The following ROBO2 variants were observed in gnomAD, a reference collection of about 807,000 sequenced individuals.
The protein encoded by ROBO2 is roundabout guidance receptor 2.
A neutral mutation model predicts 160.8 loss-of-function variants in ROBO2; 53 were observed. The ratio of observed to expected loss-of-function variants is 0.33; its 90% CI spans 0.26 to 0.41. The LOEUF (loss-of-function observed/expected upper bound fraction) is 0.41, where lower values mean the gene tolerates loss of function less well. Among genes scored for constraint, ROBO2 ranks in the 10% least tolerant of loss-of-function variants. The pLI is 1.00. For synonymous variants in ROBO2, 664 were observed against 611.7 expected, an observed-to-expected ratio of 1.09 and a Z score of -1.26; for missense variants, 1,577 against 1,722.4, an observed-to-expected ratio of 0.92 and a Z score of 1.49.
chr3:76,883,954 C>T (rs556613916), intron 2 of ROBO2, among the ~76,000 whole-genome samples: 1 of 152,156 alleles, frequency 6.6e-6, no homozygotes, highest in East Asian at 1.9e-4. Flanking sequence ...TTTACAATGA[C>T]CATTTATATT....
At chr3:75,934,133 TGAAA>T (rs1388712255) in intron 1 of ROBO2, among the ~76,000 whole-genome samples, 1 of 152,194 alleles carries the variant, frequency 6.6e-6, no homozygotes, top group Non-Finnish European at 1.5e-5. Flanking sequence ...CTTAAACATT[TGAAA>T]GACCAAGATG....
intron 2 of ROBO2, among the ~76,000 whole-genome samples, chr3:77,099,552 A>G (rs908577816): frequency 4.6e-5 from 7 of 152,134 alleles, no homozygotes; most frequent in Non-Finnish European, 7.4e-5. Context: ...AAATAGTTTT[A>G]TTTTTATAAA....
intron 1 of ROBO2, among the ~76,000 whole-genome samples, chr3:77,088,435 G>T (rs533589348): frequency 6.6e-6 from 1 of 152,180 alleles, no homozygotes; most frequent in Admixed American, 6.5e-5. Context: ...TATGCAGGAT[G>T]TACAGGTTTG....
chr3:76,866,670 T>G (rs2071405612), intron 2 of ROBO2, among the ~76,000 whole-genome samples: 1 of 152,194 alleles, frequency 6.6e-6, no homozygotes, highest in Admixed American at 6.6e-5. Context: ...TCAAAAAGTT[T>G]AAAACCCCAA....
intron 2 of ROBO2, among the ~76,000 whole-genome samples, chr3:76,672,129 G>A (rs112568399): frequency 6.6e-6 from 1 of 152,014 alleles, no homozygotes; most frequent in Non-Finnish European, 1.5e-5. Context: ...AGAAATCTTA[G>A]TGAGGGCCAG....
intron 2 of ROBO2, among the ~76,000 whole-genome samples, chr3:76,505,226 G>T (rs2080732020): frequency 1.3e-5 from 2 of 152,130 alleles, no homozygotes; most frequent in Non-Finnish European, 1.5e-5. Context: ...TACGACTGAT[G>T]ATTTGATCTT....
chr3:76,648,145 CAT>C (rs1006280728), intron 2 of ROBO2, among the ~76,000 whole-genome samples: 3 of 151,730 alleles, frequency 2.0e-5, no homozygotes, highest in Admixed American at 6.6e-5. Flanking sequence ...TTCTATAACA[CAT>C]AGTAATCTAT....
chr3:77,275,312 A>G lies in ROBO2; in HGVS notation c.388+176972A>G, dbSNP rs573376112. 2.0e-5 allele frequency among the ~76,000 whole-genome samples: 3 copies of G among 152,306 alleles called. No individual in the cohort carries two copies. In the East Asian group the frequency reaches 5.8e-4, roughly 29 times the overall value. On this transcript the variant is annotated intron_variant, in intron 2 of 25. Coordinates refer to ENST00000461745, the Ensembl canonical transcript of ROBO2. ...TGAAGTCAAAACTAAACCTTCTGTC[A>G]TTCAAAACTATCATATGTCAAAACG... is the stretch of plus-strand genomic sequence containing the variant.
chr3:76,178,075 C>T (rs780698633), intron 2 of ROBO2, among the ~76,000 whole-genome samples: 2 of 152,038 alleles, frequency 1.3e-5, no homozygotes, highest in Non-Finnish European at 2.9e-5. Context: ...TATTTGATAG[C>T]TCCCCAAAAA....
intron 1 of ROBO2, among the ~76,000 whole-genome samples, chr3:77,066,531 G>GA (rs1293024867): frequency 6.6e-6 from 1 of 151,968 alleles, no homozygotes; most frequent in Non-Finnish European, 1.5e-5. Flanking sequence ...ATCTCTATGT[G>GA]AAAAAAGTAT....
At chr3:77,467,163 A>G (rs560940980) in intron 2 of ROBO2, among the ~76,000 whole-genome samples, 20 of 152,356 alleles carry the variant, frequency 1.3e-4, no homozygotes, top group Non-Finnish European at 2.5e-4. Flanking sequence ...ATGGACAACT[A>G]TAGCTATAAG....
intron 2 of ROBO2, among the ~76,000 whole-genome samples, chr3:76,834,091 T>TTTCTTTCTTTC (rs2067397527): frequency 6.8e-6 from 1 of 146,382 alleles, no homozygotes; most frequent in South Asian, 2.2e-4. Flanking sequence ...TCTTTCTTTC[T>TTTCTTTCTTTC]TTCTTTCTTT....
intron 2 of ROBO2, among the ~76,000 whole-genome samples, chr3:76,495,455 C>A (rs183040792): frequency 3.4e-4 from 51 of 152,124 alleles, no homozygotes; most frequent in African/African-American, 1.2e-3. Flanking sequence ...AGTGTCTTAC[C>A]ACTGAAGTGC....
chr3:76,747,631 A>G (rs2093915209), intron 2 of ROBO2, among the ~76,000 whole-genome samples: 1 of 151,944 alleles, frequency 6.6e-6, no homozygotes, highest in Non-Finnish European at 1.5e-5. Flanking sequence ...TTTAAAAATC[A>G]CAGATTTTAT....
intron 2 of ROBO2, among the ~76,000 whole-genome samples, chr3:77,201,325 A>T (rs868307692): frequency 6.6e-6 from 1 of 152,232 alleles, no homozygotes; most frequent in African/African-American, 2.4e-5. Flanking sequence ...AAGAAGTTTT[A>T]TAAATGTTAT....
chr3:77,524,432 A>G (rs2153629516), intron 6 of ROBO2, among the ~76,000 whole-genome samples: 1 of 151,496 alleles, frequency 6.6e-6, no homozygotes, highest in East Asian at 2.0e-4. Flanking sequence ...ACAATTCACT[A>G]GACCAAATTA....
chr3:76,280,873 A>G (rs1031065337), intron 2 of ROBO2, among the ~76,000 whole-genome samples: 1 of 151,914 alleles, frequency 6.6e-6, no homozygotes, highest in Non-Finnish European at 1.5e-5. Flanking sequence ...CCCTGTATGA[A>G]TCTAGTGAAG....
intron 2 of ROBO2, among the ~76,000 whole-genome samples, chr3:76,849,479 A>G (rs1456938503): frequency 6.6e-6 from 1 of 152,236 alleles, no homozygotes. Flanking sequence ...TAAGAGAAAC[A>G]AAAGTCCTTA....
chr3:77,622,176 G>T lies in ROBO2; in HGVS notation c.3555-51G>T. 2.0e-6 allele frequency: 3 copies of T among 1,498,840 alleles called. No homozygotes were observed. In the South Asian group the frequency reaches 3.4e-5, roughly 17 times the overall value. The allele number at this position is 1,498,840 out of a possible 1,614,324, so 92.8% of individuals were successfully genotyped here. A position where few individuals can be genotyped will look rare whatever the true frequency, so the allele number is the denominator to read the frequency against. ...TGCATTTAATTAAAATTATGATTTT[G>T]TTGCATGTTAATAAGTTGCTTTTCT... On this transcript the variant is annotated intron_variant, in intron 22 of 25. Coordinates refer to ENST00000461745, the Ensembl canonical transcript of ROBO2.
Sources: allele counts gnomAD v4.1 joint callset (sites outside exome capture counted in the v4.1 genomes callset), GRCh38; gene constraint gnomAD v4.1.1; transcripts MANE v1.5; gene names NCBI Gene and HGNC (gene_info 2026-07-23, HGNC 2026-07-21).